Variants in TTC27 observed in about 807,000 individuals in gnomAD.
TTC27 encodes the protein tetratricopeptide repeat protein 27.
In TTC27, 79 loss-of-function variants were observed where a neutral mutation model predicts 115.9. The observed-to-expected ratio is 0.68, with a 90% confidence interval of 0.57 to 0.82. The LOEUF is 0.82. TTC27 is among the 40% of genes least tolerant of loss of function. TTC27 has a pLI of 0.00. For missense variants in TTC27, 1,054 were observed against 993.1 expected (o/e 1.06, Z -0.82); for synonymous variants, 401 against 356.0 (o/e 1.13, Z -1.42).
chr2:32,633,890 T>G lies in TTC27; in HGVS notation c.281T>G (p.Phe94Cys). 1 of 1,613,734 alleles carries G rather than the reference T, an allele frequency of 6.2e-7. No individual in the cohort carries two copies. Among genetic ancestry groups the G allele is most frequent in the African/African-American group, 1.3e-5 (1 of 75,044 alleles). The change falls in exon 3 of 20, where the codon TTT becomes TGT. Residue 94 changes from phenylalanine to cysteine, a missense_variant. Coordinates refer to ENST00000317907, the MANE Select transcript of TTC27 (RefSeq NM_017735.5). ...LDTTERQQLI[F>C]LLGVSSLQLF... ...CTTATATGCAGACAACAGTTGATAT[T>G]TCTACTTGGTGTGAGCAGTTTGCAA...
intron 13 of TTC27, among the ~76,000 whole-genome samples, chr2:32,765,956 A>G: frequency 6.6e-6 from 1 of 152,190 alleles, no homozygotes; most frequent in East Asian, 1.9e-4. Context: ...TGATCTATCT[A>G]GACCACTCAG....
chr2:32,798,704 CAAA>C (rs1168987401), intron 16 of TTC27, among the ~76,000 whole-genome samples: 3 of 121,174 alleles, frequency 2.5e-5, no homozygotes, highest in Non-Finnish European at 5.0e-5. Flanking sequence ...GACTCCAGCT[CAAA>C]AAAAAAAATA....
chr2:32,732,869 A>C (rs1254174437), intron 10 of TTC27, among the ~76,000 whole-genome samples: 1 of 152,220 alleles, frequency 6.6e-6, no homozygotes, highest in Non-Finnish European at 1.5e-5. Context: ...AACTGGCAAA[A>C]AAAGAAAATT....
intron 16 of TTC27, among the ~76,000 whole-genome samples, chr2:32,802,336 A>G (rs1158669704): frequency 2.0e-5 from 3 of 152,168 alleles, no homozygotes; most frequent in African/African-American, 7.2e-5. Context: ...CTAGTTTTTA[A>G]AAGTTTTTAA....
intron 7 of TTC27, among the ~76,000 whole-genome samples, chr2:32,667,233 T>C (rs149886473): frequency 1.4e-3 from 217 of 152,206 alleles, no homozygotes; most frequent in African/African-American, 4.8e-3. Context: ...CTTTTGTTTC[T>C]CTGTCATTAT....
In TTC27 at chr2:32,817,536, G is replaced by T. The variant is rs79079643; in HGVS notation, c.2388G>T (p.Arg796=). ...TTTCTTCTGTTCGACTCAATTTACG[G>T]GGCTTGTTATCTAAAGCAAAGGTGA... ...QMLSSVRLNL[R]GLLSKAKQLF... The change falls in exon 19 of 20, where the codon CGG becomes CGT. Residue 796 remains arginine, a synonymous_variant. Coordinates refer to ENST00000317907, the MANE Select transcript of TTC27 (RefSeq NM_017735.5). 8.9e-5 allele frequency: 144 copies of T among 1,613,830 alleles called. No individual in the cohort carries two copies. The highest frequency in any genetic ancestry group is 1.2e-4 in the Non-Finnish European group (140 of 1,179,956).
chr2:32,661,568 T>A (rs997378762), intron 5 of TTC27, among the ~76,000 whole-genome samples: 5 of 152,188 alleles, frequency 3.3e-5, no homozygotes, highest in African/African-American at 1.2e-4. Flanking sequence ...TGGCTCTCCA[T>A]TTGTCTGTTA....
At chr2:32,700,830 A>G (rs1461063776) in intron 9 of TTC27, among the ~76,000 whole-genome samples, 1 of 152,192 alleles carries the variant, frequency 6.6e-6, no homozygotes, top group Non-Finnish European at 1.5e-5. Flanking sequence ...GTGAGCCATC[A>G]CGCCCTGCCT....
intron 16 of TTC27, among the ~76,000 whole-genome samples, chr2:32,809,364 T>A (rs1241576159): frequency 1.3e-5 from 2 of 152,226 alleles, no homozygotes; most frequent in Non-Finnish European, 2.9e-5. Flanking sequence ...TACAGAATGA[T>A]AAAATGCCAT....
At chr2:32,650,088 TA>T in intron 4 of TTC27, 42 bp from the exon 5 acceptor site, 1 of 1,501,388 alleles carries the variant, frequency 6.7e-7, no homozygotes, top group Non-Finnish European at 9.1e-7. Flanking sequence ...AAGAGTTTTC[TA>T]AAGTATCCTT....
intron 9 of TTC27, among the ~76,000 whole-genome samples, chr2:32,699,038 G>A (rs893771430): frequency 1.2e-4 from 18 of 152,110 alleles, no homozygotes; most frequent in African/African-American, 3.9e-4. Flanking sequence ...TTCTGTTTCC[G>A]AAGAACCACC....
chr2:32,695,222 A>G (rs1006007201), intron 9 of TTC27, among the ~76,000 whole-genome samples: 3 of 152,054 alleles, frequency 2.0e-5, no homozygotes, highest in African/African-American at 7.2e-5. Context: ...TGCAACTACC[A>G]TTCTACTTTC....
intron 18 of TTC27, among the ~76,000 whole-genome samples, chr2:32,813,739 A>T (rs1405337131): frequency 1.3e-5 from 2 of 152,190 alleles, no homozygotes; most frequent in Non-Finnish European, 2.9e-5. Context: ...AAATTTAGAA[A>T]TTAGCTTGGT....
chr2:32,676,175 C>G (rs1414937693), intron 8 of TTC27, among the ~76,000 whole-genome samples: 1 of 151,948 alleles, frequency 6.6e-6, no homozygotes, highest in Non-Finnish European at 1.5e-5. Flanking sequence ...TTGCTGTTCA[C>G]TGGCCTCCTG....
At chr2:32,807,908 G>A (rs1332232064) in intron 16 of TTC27, among the ~76,000 whole-genome samples, 1 of 148,838 alleles carries the variant, frequency 6.7e-6, no homozygotes, top group East Asian at 2.0e-4. Context: ...AGTTCGATGA[G>A]TGAGTTCTCT....
intron 7 of TTC27, among the ~76,000 whole-genome samples, chr2:32,669,898 AAAAG>A (rs1210368119): frequency 2.0e-5 from 3 of 151,030 alleles, no homozygotes; most frequent in African/African-American, 2.4e-5. Context: ...AAAAAAAAAA[AAAAG>A]AAAAGAAAGA....
At chr2:32,712,321 C>T (rs1034693927) in intron 10 of TTC27, among the ~76,000 whole-genome samples, 1 of 152,192 alleles carries the variant, frequency 6.6e-6, no homozygotes, top group Admixed American at 6.5e-5. Flanking sequence ...GAAATTATTT[C>T]AGGCTGCAAT....
chr2:32,771,334 C>T (rs1017591608), intron 13 of TTC27, among the ~76,000 whole-genome samples: 2 of 152,140 alleles, frequency 1.3e-5, no homozygotes, highest in Admixed American at 6.6e-5. Context: ...GTAGAAAAAC[C>T]ATTGTTGCCC....
chr2:32,642,828 C>T (rs543630261), intron 4 of TTC27, among the ~76,000 whole-genome samples: 7 of 151,658 alleles, frequency 4.6e-5, no homozygotes, highest in Non-Finnish European at 7.4e-5. Context: ...CCACCACACC[C>T]GGCTAATTTT....
Sources: gnomAD v4.1 joint callset for allele counts (sites outside exome capture counted in the v4.1 genomes callset) on GRCh38, gnomAD v4.1.1 for gene constraint, MANE v1.5 for transcripts, NCBI Gene and HGNC (gene_info 2026-07-23, HGNC 2026-07-21) for gene names.